MEGF11: variants seen among roughly 807,000 people sequenced by gnomAD.
The protein encoded by MEGF11 is multiple EGF like domains 11.
In MEGF11, 126 loss-of-function variants were observed where a neutral mutation model predicts 146.6. The observed-to-expected ratio is 0.86, with a 90% CI of 0.74 to 1.00. The LOEUF (loss-of-function observed/expected upper bound fraction) is 1.00. Among genes scored for constraint, MEGF11 ranks in the 50% least tolerant of loss-of-function variants. The probability of loss-of-function intolerance (pLI) is 0.00; values close to 1 mark genes in which losing one functional copy is unlikely to be tolerated. For synonymous variants in MEGF11, 532 were observed against 583.4 expected, an observed-to-expected ratio of 0.91 and a Z score of 1.27; for missense variants, 1,509 against 1,521.2, an observed-to-expected ratio of 0.99 and a Z score of 0.13.
intron 5 of MEGF11, among the ~76,000 whole-genome samples, chr15:66,079,692 C>G (rs2140527950): frequency 6.6e-6 from 1 of 152,300 alleles, no homozygotes; most frequent in South Asian, 2.1e-4. Context: ...AACACACATT[C>G]AGGTGCGTTT....
chr15:66,169,641 A>G (rs1157163033), intron 1 of MEGF11, among the ~76,000 whole-genome samples: 2 of 152,276 alleles, frequency 1.3e-5, no homozygotes, highest in East Asian at 3.8e-4. Context: ...ACTTTCAAAG[A>G]TGCCACGTCC....
Position 65,915,586 on chromosome 15 carries a change from C to A in MEGF11, c.2357G>T (p.Gly786Val), listed in dbSNP as rs766920353. The change falls in exon 19 of 26, where the codon GGA becomes GTA. Residue 786 changes from glycine (G) to valine (V), a missense_variant. Coordinates refer to ENST00000395614, the MANE Select transcript of MEGF11 (RefSeq NM_001385028.1). ...CTGCTGACACCCATAGCCAAAGGTT[C>A]CTGGGGCACATCCTGTGTGGCACAA... ...GQHCEQRCAP[G>V]TFGYGCQQLC... 2 of 1,613,906 alleles carry A rather than the reference C, an allele frequency of 1.2e-6. No homozygotes were observed. The highest frequency in any genetic ancestry group is 3.3e-5 in the Admixed American group (2 of 60,008).
chr15:66,153,201 G>A (rs967617399), intron 1 of MEGF11, among the ~76,000 whole-genome samples: 4 of 152,224 alleles, frequency 2.6e-5, no homozygotes, highest in Non-Finnish European at 5.9e-5. Context: ...CCAAACAGGT[G>A]ATCAACAAAA....
At chr15:66,035,698 A>G (rs2140264114) in intron 5 of MEGF11, among the ~76,000 whole-genome samples, 1 of 152,328 alleles carries the variant, frequency 6.6e-6, no homozygotes, top group East Asian at 1.9e-4. Context: ...TTAGATTAAA[A>G]AGGAGAAGAC....
intron 5 of MEGF11, among the ~76,000 whole-genome samples, chr15:66,075,179 G>T (rs2085520524): frequency 6.6e-6 from 1 of 152,172 alleles, no homozygotes; most frequent in Non-Finnish European, 1.5e-5. Context: ...ATGTTAGAGA[G>T]GCCCTCTAGA....
At chr15:66,237,749 T>C (rs1009719459) in intron 1 of MEGF11, among the ~76,000 whole-genome samples, 21 of 152,208 alleles carry the variant, frequency 1.4e-4, no homozygotes, top group Admixed American at 9.8e-4. Context: ...AGGCACTTCC[T>C]GCCTCCACCG....
chr15:66,211,247 G>T (rs1408476978), intron 1 of MEGF11, among the ~76,000 whole-genome samples: 1 of 152,216 alleles, frequency 6.6e-6, no homozygotes, highest in Non-Finnish European at 1.5e-5. Flanking sequence ...CATCCAGCCG[G>T]GCTTGGTGGC....
chr15:65,925,093 G>A (rs1370130447), intron 13 of MEGF11, among the ~76,000 whole-genome samples: 2 of 152,182 alleles, frequency 1.3e-5, no homozygotes, highest in Non-Finnish European at 2.9e-5. Context: ...TGTGTCACAC[G>A]TAGACAGTGC....
chr15:65,906,083 A>C lies in MEGF11; in HGVS notation c.3055+2T>G. The C allele has an allele frequency of 6.2e-7, 1 of 1,608,936 alleles. No homozygotes were observed. Among genetic ancestry groups the C allele is most frequent in the South Asian group, 1.1e-5 (1 of 89,916 alleles). ...ATAAGACAGCAGGATTGGATACTCT[A>C]CCTTTGAAGCCTTTGTCCATAATGT... On this transcript the variant is annotated splice_donor_variant, in intron 24 of 25. Coordinates refer to ENST00000395614, the MANE Select transcript of MEGF11 (RefSeq NM_001385028.1). LOFTEE classifies it high-confidence loss of function.
chr15:65,960,250 C>G (rs910033299), intron 9 of MEGF11, among the ~76,000 whole-genome samples: 1 of 152,230 alleles, frequency 6.6e-6, no homozygotes, highest in Non-Finnish European at 1.5e-5. Flanking sequence ...TATTCCCTAA[C>G]TTACCAAAAC....
rs1485588400 is a variant in MEGF11 at position 65,922,988 on chromosome 15, C to T, written c.1676-19G>A. 1 of 1,610,308 alleles carries T rather than the reference C, an allele frequency of 6.2e-7. No homozygotes were observed. The highest frequency in any genetic ancestry group is 8.5e-7 in the Non-Finnish European group (1 of 1,178,790). On this transcript the variant is annotated intron_variant, in intron 13 of 25. Coordinates refer to ENST00000395614, the MANE Select transcript of MEGF11 (RefSeq NM_001385028.1). Reference sequence around the variant, plus strand: ...CGGATGCCTGTGGGCCAGAGGCAGACTCGGGTCAGTGGTAAGAGAGGTGAG... The same window carrying T: ...CGGATGCCTGTGGGCCAGAGGCAGATTCGGGTCAGTGGTAAGAGAGGTGAG...
chr15:66,188,940 C>T (rs1183224469), intron 1 of MEGF11, among the ~76,000 whole-genome samples: 1 of 152,152 alleles, frequency 6.6e-6, no homozygotes, highest in Non-Finnish European at 1.5e-5. Flanking sequence ...ATTTTGCCTC[C>T]TACCTTCGCC....
At chr15:66,213,751 T>G (rs1220205167) in intron 1 of MEGF11, among the ~76,000 whole-genome samples, 4 of 151,896 alleles carry the variant, frequency 2.6e-5, no homozygotes, top group Non-Finnish European at 5.9e-5. Flanking sequence ...TTAATTAATT[T>G]TAATTTAAAT....
intron 5 of MEGF11, among the ~76,000 whole-genome samples, chr15:65,999,840 C>G (rs1671623412): frequency 6.6e-6 from 1 of 152,238 alleles, no homozygotes; most frequent in South Asian, 2.1e-4. Context: ...AGCAGAATTA[C>G]TGTCAGGATT....
chr15:66,099,198 C>CTT (rs2086677451), intron 4 of MEGF11, among the ~76,000 whole-genome samples: 2 of 99,362 alleles, frequency 2.0e-5, no homozygotes, highest in Non-Finnish European at 3.8e-5. Flanking sequence ...CCCACCCCTC[C>CTT]TTTTTCTTTT....
intron 2 of MEGF11, 62 bp from the exon 3 acceptor site, chr15:66,124,062 G>A (rs756897247): frequency 6.8e-5 from 93 of 1,365,184 alleles, no homozygotes; most frequent in Non-Finnish European, 8.7e-5. Flanking sequence ...CTGATATTCC[G>A]CAGGGCATCT....
At chr15:66,057,882 T>C (rs917934220) in intron 5 of MEGF11, among the ~76,000 whole-genome samples, 3 of 152,216 alleles carry the variant, frequency 2.0e-5, no homozygotes, top group Non-Finnish European at 4.4e-5. Context: ...CTCAATACTT[T>C]ATTGTAATAG....
intron 5 of MEGF11, among the ~76,000 whole-genome samples, chr15:66,057,179 C>T (rs1597037006): frequency 6.6e-6 from 1 of 152,158 alleles, no homozygotes; most frequent in Non-Finnish European, 1.5e-5. Flanking sequence ...CAACTCCCTG[C>T]TCCTGAGAAT....
chr15:65,939,783 G>A (rs1012836263), intron 10 of MEGF11, among the ~76,000 whole-genome samples: 8 of 152,090 alleles, frequency 5.3e-5, no homozygotes, highest in African/African-American at 1.7e-4. Context: ...GTGAGCCACC[G>A]TGCCCAGCCC....
Sources: gnomAD v4.1 joint callset for allele counts (sites outside exome capture counted in the v4.1 genomes callset) on GRCh38, gnomAD v4.1.1 for gene constraint, MANE v1.5 for transcripts, NCBI Gene and HGNC (gene_info 2026-07-23, HGNC 2026-07-21) for gene names.